Variants in ANK2 observed in about 807,000 individuals in gnomAD.
ANK2 encodes the protein ankyrin 2, also known as ankyrin-2.
ANK2 carries 83 observed loss-of-function variants against 360.5 expected under a neutral mutation model. The ratio of observed to expected loss-of-function variants is 0.23; its 90% CI spans 0.19 to 0.28. The LOEUF (loss-of-function observed/expected upper bound fraction) is 0.28, where lower values mean the gene tolerates loss of function less well. Among genes scored for constraint, ANK2 ranks in the 10% least tolerant of loss-of-function variants. The pLI is 1.00. For synonymous variants in ANK2, 1,740 were observed against 1,759.5 expected, an observed-to-expected ratio of 0.99 and a Z score of 0.28; for missense variants, 4,201 against 4,795.7, an observed-to-expected ratio of 0.88 and a Z score of 3.66.
chr4:113,024,309 C>G (rs942609842), intron 2 of ANK2, among the ~76,000 whole-genome samples: 1 of 152,122 alleles, frequency 6.6e-6, no homozygotes, highest in African/African-American at 2.4e-5. Flanking sequence ...GACACTCTCT[C>G]AGATAGACAC....
At chr4:112,861,130 A>C (rs1176317912) in intron 1 of ANK2, among the ~76,000 whole-genome samples, 1 of 152,220 alleles carries the variant, frequency 6.6e-6, no homozygotes, top group African/African-American at 2.4e-5. Flanking sequence ...GGTGCAAACC[A>C]ATTAAGTAAG....
intron 1 of ANK2, among the ~76,000 whole-genome samples, chr4:113,091,960 C>T (rs956565584): frequency 6.6e-6 from 1 of 152,060 alleles, no homozygotes; most frequent in African/African-American, 2.4e-5. Context: ...TGGGGACATT[C>T]TGTATGAAAC....
intron 4 of ANK2, among the ~76,000 whole-genome samples, chr4:113,212,257 G>A: frequency 6.6e-6 from 1 of 152,038 alleles, no homozygotes; most frequent in South Asian, 2.1e-4. Flanking sequence ...TTCATATTTG[G>A]TGCAATTACT....
At chr4:113,273,090 C>T (rs1041040060) in intron 14 of ANK2, among the ~76,000 whole-genome samples, 11 of 152,096 alleles carry the variant, frequency 7.2e-5, no homozygotes, top group African/African-American at 2.7e-4. Context: ...TCACTTTGTT[C>T]CGACAGGTCT....
At chr4:112,804,317 G>C in the ANK2 span, among the ~76,000 whole-genome samples, 1 of 152,126 alleles carries the variant, frequency 6.6e-6, no homozygotes, top group African/African-American at 2.4e-5. Context: ...ACCGTGCCCG[G>C]CCAATCTCAC....
intron 1 of ANK2, among the ~76,000 whole-genome samples, chr4:113,077,472 C>T (rs2080571645): frequency 6.6e-6 from 1 of 151,954 alleles, no homozygotes; most frequent in Non-Finnish European, 1.5e-5. Flanking sequence ...TTTTTAAAAT[C>T]TGGGTTGTTT....
intron 9 of ANK2, among the ~76,000 whole-genome samples, chr4:113,243,825 A>T (rs1297050700): frequency 4.6e-5 from 7 of 152,190 alleles, no homozygotes; most frequent in Non-Finnish European, 8.8e-5. Context: ...TACTGCCTTT[A>T]TGAGATTACC....
chr4:113,346,730 C>T (rs1440606845), intron 35 of ANK2, among the ~76,000 whole-genome samples: 1 of 152,060 alleles, frequency 6.6e-6, no homozygotes, highest in Non-Finnish European at 1.5e-5. Flanking sequence ...AAAAACATAT[C>T]GCCATGTTTT....
At chr4:113,275,920 A>C (rs2060055002) in intron 15 of ANK2, among the ~76,000 whole-genome samples, 1 of 151,874 alleles carries the variant, frequency 6.6e-6, no homozygotes, top group African/African-American at 2.4e-5. Context: ...ATAAAATAGA[A>C]TAAAATGTTA....
chr4:113,236,138 ATG>A (rs201459022), intron 5 of ANK2, among the ~76,000 whole-genome samples: 9 of 151,424 alleles, frequency 5.9e-5, no homozygotes, highest in East Asian at 2.0e-4. Context: ...TGGATTAAGG[ATG>A]TTTTTTTTTT....
intron 1 of ANK2, among the ~76,000 whole-genome samples, chr4:113,166,019 A>G (rs796847334): frequency 1.2e-4 from 18 of 152,278 alleles, no homozygotes; most frequent in African/African-American, 4.3e-4. Flanking sequence ...TTCAGAAAAT[A>G]CTGACGTGTT....
chr4:113,008,109 C>CTT (rs57567947), intron 2 of ANK2, among the ~76,000 whole-genome samples: 5,177 of 143,984 alleles, frequency 0.036, 278 homozygotes, highest in African/African-American at 0.12. Flanking sequence ...TAAGCTTTTC[C>CTT]TTTTTTTTTT....
chr4:112,975,425 G>A (rs2041049955), intron 2 of ANK2, among the ~76,000 whole-genome samples: 1 of 151,388 alleles, frequency 6.6e-6, no homozygotes, highest in Non-Finnish European at 1.5e-5. Context: ...TACTTGAAAG[G>A]AAAAAAAATA....
chr4:112,775,360 A>G, the ANK2 span, among the ~76,000 whole-genome samples: 4 of 152,014 alleles, frequency 2.6e-5, no homozygotes, highest in East Asian at 7.7e-4. Context: ...CTCTACTAAA[A>G]ATACAAAAAT....
At chr4:113,163,470 A>C (rs2097617238) in intron 1 of ANK2, among the ~76,000 whole-genome samples, 1 of 152,032 alleles carries the variant, frequency 6.6e-6, no homozygotes, top group South Asian at 2.1e-4. Flanking sequence ...TTTTAAATTA[A>C]AAACCAAGCT....
chr4:113,025,839 T>C (rs1444662233), intron 2 of ANK2, among the ~76,000 whole-genome samples: 2 of 152,166 alleles, frequency 1.3e-5, no homozygotes, highest in African/African-American at 4.8e-5. Flanking sequence ...GTATAACTAA[T>C]GTGGAGGAAT....
intron 1 of ANK2, among the ~76,000 whole-genome samples, chr4:113,157,135 T>C (rs1388134291): frequency 6.6e-6 from 1 of 152,182 alleles, no homozygotes; most frequent in Admixed American, 6.5e-5. Flanking sequence ...AGAGAAAACT[T>C]ATTATGGGTT....
At chr4:113,062,217 C>T (rs1180427699) in intron 1 of ANK2, among the ~76,000 whole-genome samples, 2 of 152,034 alleles carry the variant, frequency 1.3e-5, no homozygotes, top group East Asian at 3.9e-4. Context: ...ATTTTTAACT[C>T]TCTATGTCAG....
intron 24 of ANK2, 50 bp downstream of exon 24, chr4:113,311,449 AT>A: frequency 6.2e-7 from 1 of 1,600,660 alleles, no homozygotes; most frequent in Non-Finnish European, 8.6e-7. Flanking sequence ...TGTGCAACAT[AT>A]TTTTTATGAT....
Sources: gnomAD v4.1 joint callset for allele counts (sites outside exome capture counted in the v4.1 genomes callset) on GRCh38, gnomAD v4.1.1 for gene constraint, MANE v1.5 for transcripts, NCBI Gene and HGNC (gene_info 2026-07-23, HGNC 2026-07-21) for gene names.